The following FSD1 variants were observed in gnomAD, a reference collection of about 807,000 sequenced individuals.
FSD1 encodes fibronectin type III and SPRY domain containing 1, also known as fibronectin type III and SPRY domain-containing protein 1.
Under a neutral mutation model 58.2 loss-of-function variants are expected in FSD1, and 23 were observed. The ratio of observed to expected loss-of-function variants is 0.40; its 90% confidence interval spans 0.28 to 0.56. The LOEUF (loss-of-function observed/expected upper bound fraction) is 0.56, where lower values mean the gene tolerates loss of function less well. FSD1 is among the 20% of genes least tolerant of loss of function. The pLI is 0.54. For synonymous variants in FSD1, 265 were observed against 263.4 expected (o/e 1.01, Z -0.06); for missense variants, 563 against 670.8 (o/e 0.84, Z 1.78).
At position 4,304,632 on chromosome 19, in the gene FSD1, CGCG is replaced by C. The variant is rs891108508; in HGVS notation, c.-105_-103del. ...GCGGTGATGGAGCGCTAACCGGGGG[CGCG>C]GCGGCGGCGAGGGCTCGGCGGGCCA... On this transcript the variant is annotated 5_prime_UTR_variant, in exon 1 of 13. Coordinates refer to ENST00000221856, the MANE Select transcript of FSD1 (RefSeq NM_024333.3). 24 of 552,720 alleles carry C rather than the reference CGCG, an allele frequency of 4.3e-5. No individual in the cohort carries two copies. The highest frequency in any genetic ancestry group is 5.9e-5 in the African/African-American group (3 of 51,140). The allele number at this position is 552,720 out of a possible 1,614,324, so 34.2% of individuals were successfully genotyped here. A position where few individuals can be genotyped will look rare whatever the true frequency, so the allele number is the denominator to read the frequency against.
chr19:4,311,834 T>C lies in FSD1; in HGVS notation c.491-8T>C, dbSNP rs780147100. The C allele has an allele frequency of 6.2e-7, 1 of 1,613,976 alleles. No homozygotes were observed. The highest frequency in any genetic ancestry group is 1.7e-5 in the Admixed American group (1 of 60,020). ...ATCCCGACCCCCTCTCCTTTCCGTC[T>C]TGGTCAGTGCCCAGCGCACCCGTGA... is the stretch of plus-strand genomic sequence containing the variant. On this transcript the variant is annotated splice_polypyrimidine_tract_variant and splice_region_variant and intron_variant, in intron 6 of 12. Coordinates refer to ENST00000221856, the MANE Select transcript of FSD1 (RefSeq NM_024333.3).
chr19:4,312,020 G>C lies in FSD1; in HGVS notation c.669G>C (p.Glu223Asp). 6.2e-7 allele frequency: 1 copy of C among 1,611,326 alleles called. No homozygotes were observed. Residue 223 changes from glutamate (E) to aspartate (D), a missense_variant, in exon 7 of 13, where the codon GAG becomes GAC. Coordinates refer to ENST00000221856, the MANE Select transcript of FSD1 (RefSeq NM_024333.3). Reference sequence around the variant, plus strand: ...AGGACCAGCCCTGGATGGTCATCGAGGGCATCCGGCAGACAGAGTACACCC... The same window carrying C: ...AGGACCAGCCCTGGATGGTCATCGACGGCATCCGGCAGACAGAGTACACCC... ...LKEDQPWMVI[E>D]GIRQTEYTLT...
intron 1 of FSD1, among the ~76,000 whole-genome samples, chr19:4,305,187 G>A (rs944106116): frequency 4.7e-5 from 7 of 149,042 alleles, no homozygotes; most frequent in Admixed American, 4.0e-4. Context: ...CTCCCGAGCG[G>A]GATCCTCCCT....
chr19:4,313,942 C>G (rs886416111), intron 7 of FSD1, among the ~76,000 whole-genome samples: 1 of 151,478 alleles, frequency 6.6e-6, no homozygotes, highest in African/African-American at 2.4e-5. Flanking sequence ...GAGTGAGAAT[C>G]ACTTCAGCCT....
chr19:4,312,837 A>C (rs984695496), intron 7 of FSD1, among the ~76,000 whole-genome samples: 9 of 142,866 alleles, frequency 6.3e-5, no homozygotes, highest in African/African-American at 2.6e-4. Flanking sequence ...TAAATAAATA[A>C]ATAATAATAA....
Position 4,311,852 on chromosome 19 carries a change from A to T in FSD1, c.501A>T (p.Ala167=). ...TTCCGTCTTGGTCAGTGCCCAGCGC[A>T]CCCGTGATCGACCTGGCTGAGTCCC... The part of the protein sequence containing the change: ...QALKFLPVPS[A]PVIDLAESLV... The change falls in exon 7 of 13, where the codon GCA becomes GCT. Residue 167 remains alanine (A), a synonymous_variant. Transcript: ENST00000221856. 1 of 1,614,046 alleles carries T rather than the reference A, an allele frequency of 6.2e-7. No individual in the cohort carries two copies. Among genetic ancestry groups the T allele is most frequent in the Non-Finnish European group, 8.5e-7 (1 of 1,179,992 alleles).
chr19:4,312,802 C>A (rs1365408168), intron 7 of FSD1, among the ~76,000 whole-genome samples: 1 of 143,080 alleles, frequency 7.0e-6, no homozygotes, highest in East Asian at 1.9e-4. Context: ...AAGACTCCGT[C>A]TCAAAAAATA....
intron 7 of FSD1, among the ~76,000 whole-genome samples, chr19:4,316,584 G>A (rs1971757856): frequency 6.6e-6 from 1 of 151,850 alleles, no homozygotes; most frequent in African/African-American, 2.4e-5. Context: ...TGTCGCCCAG[G>A]CTGGAGTGCA....
intron 6 of FSD1, chr19:4,311,541 G>A (rs897169157): frequency 1.2e-5 from 4 of 321,968 alleles, no homozygotes; most frequent in East Asian, 7.7e-5. Context: ...AAATTAGCCG[G>A]GCCATGGTGG....
At chr19:4,306,746 G>C (rs1020564443) in intron 3 of FSD1, among the ~76,000 whole-genome samples, 1 of 151,656 alleles carries the variant, frequency 6.6e-6, no homozygotes, top group African/African-American at 2.4e-5. Context: ...GAGCCCCCGC[G>C]CCTGGCCCAT....
At position 4,310,554 on chromosome 19, in the gene FSD1, G is replaced by A. The variant is rs369302746; in HGVS notation, c.448G>A (p.Ala150Thr). 1.1e-5 allele frequency: 18 copies of A among 1,613,762 alleles called. No homozygotes were observed. Among genetic ancestry groups the A allele is most frequent in the East Asian group, 4.5e-5 (2 of 44,888 alleles). Reference sequence around the variant, plus strand: ...CATGAGTCACCTCATGGTGGACTTCGCGCAAGAGCGGCAGATGCTACAGGC... The same window carrying A: ...CATGAGTCACCTCATGGTGGACTTCACGCAAGAGCGGCAGATGCTACAGGC... ...DNMSHLMVDF[A>T]QERQMLQALK... Residue 150 changes from alanine (A) to threonine (T), a missense_variant, in exon 6 of 13, where the codon GCG (alanine) becomes ACG (threonine). Transcript: ENST00000221856.
rs771967101 is a variant in FSD1 at position 4,306,200 on chromosome 19, G to A, written c.114G>A (p.Ala38=). 11 of 1,613,890 alleles carry A rather than the reference G, an allele frequency of 6.8e-6. No homozygotes were observed. The highest frequency in any genetic ancestry group is 6.7e-5 in the Admixed American group (4 of 60,002). The part of the protein sequence containing the change: ...SLKQMLLNVE[A]NSAKVQEDLE... ...CGATTCTGGCTGTTCCGACCCAGGC[G>A]AACTCGGCGAAGGTGCAGGAGGACC... Residue 38 remains alanine (A), a splice_region_variant and synonymous_variant, in exon 3 of 13, where the codon GCG becomes GCA. Transcript: ENST00000221856.
intron 7 of FSD1, 61 bp from the exon 8 acceptor site, chr19:4,317,121 C>T: frequency 1.1e-6 from 1 of 945,340 alleles, no homozygotes; most frequent in South Asian, 1.3e-5. Flanking sequence ...ACAGCTTTAA[C>T]CCATGACTCA....
At chr19:4,316,479 C>G (rs1001287443) in intron 7 of FSD1, among the ~76,000 whole-genome samples, 1 of 151,994 alleles carries the variant, frequency 6.6e-6, no homozygotes, top group African/African-American at 2.4e-5. Context: ...CTTCGGCCTC[C>G]CAAAGTGCTG....
chr19:4,310,409 G>A, intron 5 of FSD1, 66 bp from the exon 6 acceptor site: 2 of 1,603,950 alleles, frequency 1.2e-6, no homozygotes, highest in Non-Finnish European at 1.7e-6. Context: ...CTGGGGAGGG[G>A]CCCCCTCGCG....
At chr19:4,310,693 G>T in intron 6 of FSD1, 97 bp downstream of exon 6, 1 of 1,400,678 alleles carries the variant, frequency 7.1e-7, no homozygotes, top group Non-Finnish European at 9.7e-7. Context: ...TGGACGACCC[G>T]GTGTCTGAAT....
intron 9 of FSD1, 142 bp from the exon 10 acceptor site, chr19:4,318,730 C>T: frequency 1.3e-6 from 1 of 762,562 alleles, no homozygotes; most frequent in Non-Finnish European, 2.3e-6. Flanking sequence ...ACATGAGGTG[C>T]TCGATATATA....
Position 4,306,258 on chromosome 19 carries a change from C to T in FSD1, c.172C>T (p.Leu58=), listed in dbSNP as rs763198046. Residue 58 remains leucine (L), a synonymous_variant, in exon 3 of 13, where the codon CTG becomes TTG. Transcript: ENST00000221856. ...EAEFQSLFSL[L]EELKEGMLMK... ...AGAGTTCCAGTCCCTCTTCTCCCTC[C>T]TGGAGGAGCTGAAAGAAGGCATGCT... The T allele has an allele frequency of 4.5e-5, 72 of 1,613,872 alleles. No individual in the cohort carries two copies. In the Admixed American group the frequency reaches 1.1e-3, roughly 25 times the overall value.
intron 10 of FSD1, among the ~76,000 whole-genome samples, chr19:4,321,218 CTG>C (rs1971813245): frequency 8.6e-6 from 1 of 116,752 alleles, no homozygotes; most frequent in Non-Finnish European, 1.7e-5. Context: ...TGAGGAGTAT[CTG>C]GGGGGAATAG....
Sources: allele counts gnomAD v4.1 joint callset (sites outside exome capture counted in the v4.1 genomes callset), GRCh38; gene constraint gnomAD v4.1.1; transcripts MANE v1.5; gene names NCBI Gene and HGNC (gene_info 2026-07-23, HGNC 2026-07-21).